Variants in MPZL3 observed in about 807,000 individuals in gnomAD.
MPZL3 encodes myelin protein zero-like protein 3.
In MPZL3, 23 loss-of-function variants were observed where a neutral mutation model predicts 24.8. The observed-to-expected ratio is 0.93, with a 90% confidence interval of 0.67 to 1.31. The LOEUF (loss-of-function observed/expected upper bound fraction) is 1.31. Among genes scored for constraint, MPZL3 ranks in the 40% most tolerant of loss-of-function variants. MPZL3 has a pLI of 0.00. For missense variants in MPZL3, 277 were observed against 294.9 expected, an observed-to-expected ratio of 0.94 and a Z score of 0.44; for synonymous variants, 99 against 106.5, an observed-to-expected ratio of 0.93 and a Z score of 0.44.
chr11:118,231,411 A>G (rs1949349400), intron 5 of MPZL3, among the ~76,000 whole-genome samples: 1 of 151,990 alleles, frequency 6.6e-6, no homozygotes, highest in Admixed American at 6.6e-5. Flanking sequence ...TGGAGGGCCC[A>G]GGTTCTGTCC....
At chr11:118,242,540 TTCA>T (rs1385997721) in intron 1 of MPZL3, among the ~76,000 whole-genome samples, 1 of 152,202 alleles carries the variant, frequency 6.6e-6, no homozygotes, top group Non-Finnish European at 1.5e-5. Flanking sequence ...TCCCAATCCC[TTCA>T]TCATTACTTG....
At chr11:118,244,743 G>A (rs757695680) in intron 1 of MPZL3, among the ~76,000 whole-genome samples, 2 of 152,202 alleles carry the variant, frequency 1.3e-5, no homozygotes, top group Admixed American at 6.5e-5. Flanking sequence ...TTAACTGTGG[G>A]ACTGGGCAAG....
intron 4 of MPZL3, among the ~76,000 whole-genome samples, chr11:118,233,944 G>A (rs1949387069): frequency 6.6e-6 from 1 of 152,164 alleles, no homozygotes; most frequent in Non-Finnish European, 1.5e-5. Context: ...AGTGAGCCAA[G>A]ATTACACCAC....
At chr11:118,245,063 A>G (rs2134713205) in intron 1 of MPZL3, among the ~76,000 whole-genome samples, 1 of 152,206 alleles carries the variant, frequency 6.6e-6, no homozygotes, top group East Asian at 1.9e-4. Context: ...GCAACAAAGC[A>G]AGACTCCATC....
chr11:118,235,793 G>T (rs1421055487), intron 3 of MPZL3, among the ~76,000 whole-genome samples: 1 of 152,112 alleles, frequency 6.6e-6, no homozygotes, highest in East Asian at 1.9e-4. Flanking sequence ...GAACACTTTG[G>T]TATCTACCCA....
chr11:118,251,545 T>C (rs1949619861), intron 1 of MPZL3, among the ~76,000 whole-genome samples: 1 of 152,198 alleles, frequency 6.6e-6, no homozygotes, highest in Non-Finnish European at 1.5e-5. Flanking sequence ...TTGAAAATTA[T>C]ATGAAAGCAA....
chr11:118,246,587 T>TTC (rs894395718), intron 1 of MPZL3, among the ~76,000 whole-genome samples: 7 of 142,578 alleles, frequency 4.9e-5, no homozygotes, highest in African/African-American at 1.8e-4. Context: ...TTTCTTTTCT[T>TTC]TTTTTTTTTT....
chr11:118,232,587 T>TGGC (rs1949368239), intron 5 of MPZL3, among the ~76,000 whole-genome samples: 4 of 152,112 alleles, frequency 2.6e-5, no homozygotes, highest in African/African-American at 9.7e-5. Flanking sequence ...TTGAATGGAT[T>TGGC]AATATCTGAA....
chr11:118,239,504 A>C (rs1335388405), intron 2 of MPZL3, among the ~76,000 whole-genome samples: 2 of 152,244 alleles, frequency 1.3e-5, no homozygotes, highest in South Asian at 4.1e-4. Flanking sequence ...TCCTGAGCTA[A>C]GGATACTGCT....
chr11:118,236,227 G>A (rs919319245), intron 3 of MPZL3, among the ~76,000 whole-genome samples: 1 of 152,112 alleles, frequency 6.6e-6, no homozygotes, highest in South Asian at 2.1e-4. Context: ...CAGTATGAAT[G>A]TGCTCATCTT....
At chr11:118,239,967 A>C (rs1220730197) in intron 2 of MPZL3, among the ~76,000 whole-genome samples, 1 of 152,174 alleles carries the variant, frequency 6.6e-6, no homozygotes, top group East Asian at 1.9e-4. Flanking sequence ...GAGGAAACAA[A>C]ATTAAACCAC....
chr11:118,247,864 C>A (rs934033475), intron 1 of MPZL3, among the ~76,000 whole-genome samples: 18 of 152,124 alleles, frequency 1.2e-4, no homozygotes, highest in Admixed American at 1.1e-3. Flanking sequence ...TCCAGGAAAT[C>A]TTTCCTTTAT....
chr11:118,238,317 A>C (rs1316149416), intron 2 of MPZL3, among the ~76,000 whole-genome samples: 1 of 152,128 alleles, frequency 6.6e-6, no homozygotes, highest in Non-Finnish European at 1.5e-5. Flanking sequence ...AATTAATATA[A>C]TCCCTAAGTC....
chr11:118,235,960 C>T (rs929215907), intron 3 of MPZL3, among the ~76,000 whole-genome samples: 1 of 152,272 alleles, frequency 6.6e-6, no homozygotes, highest in Non-Finnish European at 1.5e-5. Context: ...GTAATCGCTG[C>T]ATAGCATTCT....
chr11:118,235,375 G>A (rs1191066604), intron 4 of MPZL3, 49 bp downstream of exon 4: 6 of 1,600,602 alleles, frequency 3.7e-6, no homozygotes, highest in Middle Eastern at 2.1e-4. Flanking sequence ...TCTGGGTAGA[G>A]CGCTAAGGAG....
Position 118,233,500 on chromosome 11 carries a change from G to C in MPZL3, c.641C>G (p.Ala214Gly), listed in dbSNP as rs781669736. 9 of 1,613,694 alleles carry C rather than the reference G, an allele frequency of 5.6e-6. No individual in the cohort carries two copies. Among genetic ancestry groups the C allele is most frequent in the African/African-American group, 5.3e-5 (4 of 74,922 alleles). ...ACGGACACAAAGCCTCGCCATACAC[G>C]CCTCTTCCTCCTCCTGATCAGTGCT... ...SDDTDQEEEE[A>G]CMARLCVRCA... Residue 214 changes from alanine (A) to glycine (G), a missense_variant, in exon 5 of 6, where the codon GCG (alanine) becomes GGG (glycine). Transcript: ENST00000278949.
chr11:118,246,585 C>CTTTTTTTTTTTTTTTTT (rs71301655), intron 1 of MPZL3, among the ~76,000 whole-genome samples: 2 of 123,280 alleles, frequency 1.6e-5, no homozygotes, highest in African/African-American at 6.5e-5. Context: ...TTTTTCTTTT[C>CTTTTTTTTTTTTTTTTT]TTTTTTTTTT....
intron 1 of MPZL3, among the ~76,000 whole-genome samples, chr11:118,240,617 C>G (rs968803283): frequency 6.6e-6 from 1 of 152,102 alleles, no homozygotes; most frequent in Non-Finnish European, 1.5e-5. Flanking sequence ...AATTTAAAAT[C>G]TGGTCACACC....
At chr11:118,241,036 C>A (rs1949491557) in intron 1 of MPZL3, among the ~76,000 whole-genome samples, 1 of 152,108 alleles carries the variant, frequency 6.6e-6, no homozygotes, top group African/African-American at 2.4e-5. Context: ...TAGGTAAATG[C>A]ATTCTAGCAA....
Sources: allele counts gnomAD v4.1 joint callset (sites outside exome capture counted in the v4.1 genomes callset), GRCh38; gene constraint gnomAD v4.1.1; transcripts MANE v1.5; gene names NCBI Gene and HGNC (gene_info 2026-07-23, HGNC 2026-07-21).